Variants in GARNL3 observed in about 807,000 individuals in gnomAD.
GARNL3 encodes GTPase activating Rap/RanGAP domain like 3.
Under a neutral mutation model 125.0 loss-of-function variants are expected in GARNL3, and 63 were observed. The observed-to-expected ratio is 0.50, with a 90% confidence interval of 0.41 to 0.62. The LOEUF (loss-of-function observed/expected upper bound fraction) is 0.62, where lower values mean the gene tolerates loss of function less well. Among genes scored for constraint, GARNL3 ranks in the 20% least tolerant of loss-of-function variants. The pLI, the probability that GARNL3 is intolerant of heterozygous loss-of-function variation, is 0.00. For missense variants in GARNL3, 994 were observed against 1,244.0 expected, an observed-to-expected ratio of 0.80 and a Z score of 3.02; for synonymous variants, 439 against 457.5, an observed-to-expected ratio of 0.96 and a Z score of 0.52.
At chr9:127,380,284 T>C (rs1254665430) in intron 22 of GARNL3, among the ~76,000 whole-genome samples, 2 of 151,736 alleles carry the variant, frequency 1.3e-5, no homozygotes, top group African/African-American at 4.8e-5. Context: ...ATTTTTAAAA[T>C]TTTCTTCTTT....
intron 22 of GARNL3, among the ~76,000 whole-genome samples, chr9:127,381,960 C>T (rs552098598): frequency 1.6e-4 from 25 of 151,768 alleles, no homozygotes; most frequent in African/African-American, 6.0e-4. Context: ...TGTTGTGTGT[C>T]AATAATTAAC....
upstream of GARNL3, chr9:127,263,738 A>T: frequency 8.4e-7 from 1 of 1,190,684 alleles, no homozygotes; most frequent in Non-Finnish European, 1.0e-6. Flanking sequence ...GCCCATTTTC[A>T]GCTAAGAGAG....
chr9:127,246,735 A>C (rs898231206), intron 2 of GARNL3, among the ~76,000 whole-genome samples: 1 of 152,098 alleles, frequency 6.6e-6, no homozygotes, highest in African/African-American at 2.4e-5. Flanking sequence ...TTAGCCCAGG[A>C]GGCGGGGATT....
At chr9:127,247,629 ATTTG>A (rs1229289853) in intron 2 of GARNL3, among the ~76,000 whole-genome samples, 1 of 151,268 alleles carries the variant, frequency 6.6e-6, no homozygotes, top group Admixed American at 6.6e-5. Flanking sequence ...TTTTTTTATT[ATTTG>A]TTTTTAGTTT....
intron 14 of GARNL3, 69 bp downstream of exon 14, chr9:127,342,403 A>G (rs1829909172): frequency 3.0e-6 from 3 of 1,012,262 alleles, no homozygotes; most frequent in East Asian, 4.8e-5. Context: ...TCCTCAACTC[A>G]GCGATGAGGC....
upstream of GARNL3, chr9:127,264,275 T>G (rs1178653216): frequency 3.6e-6 from 1 of 277,374 alleles, no homozygotes; most frequent in African/African-American, 2.2e-5. Context: ...GCCCTTGTTT[T>G]AATTACTCTT....
chr9:127,276,683 A>G (rs1449727656), intron 1 of GARNL3, among the ~76,000 whole-genome samples: 1 of 152,234 alleles, frequency 6.6e-6, no homozygotes, highest in Non-Finnish European at 1.5e-5. Flanking sequence ...CACTGAGTGA[A>G]TGACACCATC....
At chr9:127,390,566 G>GA in intron 26 of GARNL3, 75 bp from the exon 27 acceptor site, 1 of 1,443,348 alleles carries the variant, frequency 6.9e-7, no homozygotes, top group Non-Finnish European at 9.5e-7. Flanking sequence ...TCCCAACCAA[G>GA]AAAAAATAAG....
chr9:127,345,815 G>C (rs1830106982), intron 16 of GARNL3, among the ~76,000 whole-genome samples: 1 of 152,270 alleles, frequency 6.6e-6, no homozygotes, highest in African/African-American at 2.4e-5. Context: ...TAGGTCTGGA[G>C]TGGGGCTGAG....
upstream of GARNL3, among the ~76,000 whole-genome samples, chr9:127,261,619 G>A (rs141825643): frequency 9.7e-4 from 147 of 151,998 alleles, no homozygotes; most frequent in Middle Eastern, 0.014. Context: ...CTCCATGTTG[G>A]TCATGCTGGT....
chr9:127,237,512 G>A (rs967655478), intron 1 of GARNL3, among the ~76,000 whole-genome samples: 1 of 152,240 alleles, frequency 6.6e-6, no homozygotes, highest in Non-Finnish European at 1.5e-5. Context: ...CACAGTGGAA[G>A]GGGACTGAAG....
intron 17 of GARNL3, among the ~76,000 whole-genome samples, chr9:127,349,771 T>C (rs928951058): frequency 1.3e-5 from 2 of 152,118 alleles, no homozygotes; most frequent in African/African-American, 4.8e-5. Context: ...CTCCTGGGCT[T>C]CAGAGGGAGC....
chr9:127,371,855 A>C (rs1831624575), intron 22 of GARNL3, among the ~76,000 whole-genome samples: 1 of 152,252 alleles, frequency 6.6e-6, no homozygotes, highest in Admixed American at 6.5e-5. Context: ...GATTTTTGAC[A>C]AAGGTGCGAA....
intron 2 of GARNL3, among the ~76,000 whole-genome samples, chr9:127,295,665 C>A (rs1453980547): frequency 6.6e-6 from 1 of 152,132 alleles, no homozygotes; most frequent in Non-Finnish European, 1.5e-5. Context: ...GTAGCCGTTA[C>A]CACAGCCTCC....
intron 2 of GARNL3, among the ~76,000 whole-genome samples, chr9:127,296,778 C>T (rs1312734257): frequency 2.0e-5 from 3 of 151,974 alleles, no homozygotes; most frequent in African/African-American, 7.3e-5. Flanking sequence ...GCCAGGTAGG[C>T]ATGATTAATT....
intron 23 of GARNL3, 102 bp downstream of exon 23, chr9:127,383,647 G>T: frequency 1.4e-6 from 1 of 694,094 alleles, no homozygotes; most frequent in Non-Finnish European, 2.5e-6. Context: ...CTGCGAAATT[G>T]CTATAAATTA....
At chr9:127,376,630 CTT>C (rs1284486336) in intron 22 of GARNL3, among the ~76,000 whole-genome samples, 1 of 151,512 alleles carries the variant, frequency 6.6e-6, no homozygotes, top group Non-Finnish European at 1.5e-5. Flanking sequence ...TAAAGGATGT[CTT>C]ATTACTTTTG....
intron 1 of GARNL3, chr9:127,225,326 C>T (rs1400032090): frequency 1.0e-6 from 1 of 983,930 alleles, no homozygotes; most frequent in African/African-American, 1.8e-5. Flanking sequence ...AACCGGAGCC[C>T]GGCGGGGTGG....
chr9:127,316,981 T>G (rs1413941486), intron 4 of GARNL3, among the ~76,000 whole-genome samples: 1 of 152,240 alleles, frequency 6.6e-6, no homozygotes, highest in Non-Finnish European at 1.5e-5. Flanking sequence ...GATGACAATT[T>G]TATTACTAAT....
Sources: gnomAD v4.1 joint callset for allele counts (sites outside exome capture counted in the v4.1 genomes callset) on GRCh38, gnomAD v4.1.1 for gene constraint, MANE v1.5 for transcripts, NCBI Gene and HGNC (gene_info 2026-07-23, HGNC 2026-07-21) for gene names.